The following ATP11A variants were observed in gnomAD, a reference collection of about 807,000 sequenced individuals.
ATP11A encodes the protein ATPase phospholipid transporting 11A.
In ATP11A, 81 loss-of-function variants were observed where a neutral mutation model predicts 154.4. That is an observed-to-expected ratio of 0.52 (90% confidence interval 0.44 to 0.63). The LOEUF (loss-of-function observed/expected upper bound fraction) is 0.63, where lower values mean the gene tolerates loss of function less well. Ranked by LOEUF, ATP11A falls within the 30% of genes least tolerant of loss-of-function variation. The pLI is 0.00. For missense variants in ATP11A, 1,316 were observed against 1,474.3 expected (o/e 0.89, Z 1.76); for synonymous variants, 623 against 585.9 (o/e 1.06, Z -0.91).
At chr13:112,850,759 T>A (rs1238910346) in intron 17 of ATP11A, among the ~76,000 whole-genome samples, 2 of 152,242 alleles carry the variant, frequency 1.3e-5, no homozygotes, top group East Asian at 3.8e-4. Flanking sequence ...TGTTACTTAT[T>A]TCCAGGCTTT....
intron 5 of ATP11A, among the ~76,000 whole-genome samples, chr13:112,811,300 T>C (rs185808004): frequency 0.016 from 2,476 of 150,302 alleles, 31 homozygotes; most frequent in Non-Finnish European, 0.027. Flanking sequence ...TCTGCCGGCA[T>C]CCCATGCCAG....
At chr13:112,847,032 C>T (rs1366395308) in intron 17 of ATP11A, among the ~76,000 whole-genome samples, 1 of 152,200 alleles carries the variant, frequency 6.6e-6, no homozygotes, top group Non-Finnish European at 1.5e-5. Context: ...GCATCCACTC[C>T]ATCCTAGGAA....
Position 112,715,541 on chromosome 13 carries a change from GC to G in ATP11A, c.39+25095del, listed in dbSNP as rs1269958567. Among the ~76,000 whole-genome samples the G allele has an allele frequency of 3.2e-3, 118 of 36,354 alleles. 6 individuals are homozygous for G. Among genetic ancestry groups the G allele is most frequent in the African/African-American group, 7.0e-3 (114 of 16,336 alleles). The allele number at this position is 36,354 out of a possible 152,430, so 23.8% of individuals were successfully genotyped here. ...GATCCCCACCCTTCACTTGGCTGAG[GC>G]CCCCCCCCACCTGCCTGATCCTCCC... is the stretch of plus-strand genomic sequence containing the variant. On this transcript the variant is annotated intron_variant, in intron 1 of 29. Transcript: ENST00000375645.
chr13:112,787,969 C>A (rs1367861569), intron 2 of ATP11A, among the ~76,000 whole-genome samples: 1 of 151,172 alleles, frequency 6.6e-6, no homozygotes, highest in African/African-American at 2.4e-5. Flanking sequence ...CCTGTGGAGA[C>A]CTACTTAATT....
At position 112,875,805 on chromosome 13, in the gene ATP11A, A is replaced by G; in HGVS notation, c.3191A>G (p.Tyr1064Cys). 2 of 1,613,928 alleles carry G rather than the reference A, an allele frequency of 1.2e-6. No homozygotes were observed. The highest frequency in any genetic ancestry group is 1.7e-6 in the Non-Finnish European group (2 of 1,180,008). ...WPFLNYQRMY[Y>C]VFIQMLSSGP... ...TTCCTCAACTACCAGAGGATGTACT[A>G]CGTGTTCATCCAGATGCTGTCCAGC... is the stretch of plus-strand genomic sequence containing the variant. Residue 1064 changes from tyrosine to cysteine, a missense_variant, in exon 28 of 30, where the codon TAC (tyrosine) becomes TGC (cysteine). Around this residue, in one of 5 missense-constraint regions of ATP11A, gnomAD observed 294 missense variants for 290.2 expected, o/e 1.01. Coordinates refer to ENST00000375645, the MANE Select transcript of ATP11A (RefSeq NM_015205.3). The surrounding 1 kb of genome is among the most constrained non-coding windows in gnomAD (Gnocchi z 4.1).
intron 1 of ATP11A, among the ~76,000 whole-genome samples, chr13:112,736,228 G>C (rs1328698143): frequency 6.6e-6 from 1 of 152,132 alleles, no homozygotes; most frequent in African/African-American, 2.4e-5. Context: ...ACTTTGGCAC[G>C]TTATCTATTT....
Position 112,878,397 on chromosome 13 carries a change from C to T in ATP11A, c.*9+94C>T, listed in dbSNP as rs866093149. On this transcript the variant is annotated intron_variant, in intron 29 of 29. Transcript: ENST00000375645. Reference sequence around the variant, plus strand: ...AGAGCCCTGAGTCCACGTGCTCTGACGCAGCGTCCACCAGGCGCTGGGTAC... The same window carrying T: ...AGAGCCCTGAGTCCACGTGCTCTGATGCAGCGTCCACCAGGCGCTGGGTAC... 3.5e-5 allele frequency: 48 copies of T among 1,378,320 alleles called. No homozygotes were observed. In the Middle Eastern group the frequency reaches 1.6e-3, roughly 47 times the overall value. 85.4% of individuals were successfully genotyped at this position (1,378,320 alleles called of 1,614,324 possible).
chr13:112,761,616 A>C, intron 1 of ATP11A, among the ~76,000 whole-genome samples: 1 of 82,106 alleles, frequency 1.2e-5, no homozygotes, highest in Non-Finnish European at 2.9e-5. Context: ...TTTGGGTACT[A>C]TCTCGGATTC....
At chr13:112,833,180 G>A (rs576197466) in intron 14 of ATP11A, among the ~76,000 whole-genome samples, 157 bp downstream of exon 14, 8 of 152,048 alleles carry the variant, frequency 5.3e-5, no homozygotes, top group African/African-American at 9.6e-5. Flanking sequence ...CTGGACCCCC[G>A]TCCCTGTATG....
At position 112,859,262 on chromosome 13, in the gene ATP11A, C is replaced by G; in HGVS notation, c.2668-131C>G. 1 of 768,610 alleles carries G rather than the reference C, an allele frequency of 1.3e-6. No individual in the cohort carries two copies. Among genetic ancestry groups the G allele is most frequent in the Non-Finnish European group, 2.4e-6 (1 of 422,858 alleles). 47.6% of individuals were successfully genotyped at this position (768,610 alleles called of 1,614,324 possible). On this transcript the variant is annotated intron_variant, in intron 22 of 29. Coordinates refer to ENST00000375645, the MANE Select transcript of ATP11A (RefSeq NM_015205.3). The surrounding 1 kb of genome is among the most constrained non-coding windows in gnomAD (Gnocchi z 4.3). ...AAATAAGAGAAAGCTTTCTAGAACCCATTAGTGCTGTTCTGCCGCACGCTG... is the reference window on the plus strand; with the variant it reads ...AAATAAGAGAAAGCTTTCTAGAACCGATTAGTGCTGTTCTGCCGCACGCTG...
At chr13:112,713,153 T>G (rs1162467034) in intron 1 of ATP11A, among the ~76,000 whole-genome samples, 1 of 152,146 alleles carries the variant, frequency 6.6e-6, no homozygotes, top group Non-Finnish European at 1.5e-5. Context: ...TCCCAGCACT[T>G]TGGGAGGCTG....
chr13:112,864,489 C>G (rs1394516951), intron 25 of ATP11A, among the ~76,000 whole-genome samples: 5 of 80,432 alleles, frequency 6.2e-5, no homozygotes, highest in South Asian at 4.6e-4. Flanking sequence ...TCACCACATG[C>G]ACAGTAATTC....
At chr13:112,737,521 CAGA>C (rs1272079261) in intron 1 of ATP11A, among the ~76,000 whole-genome samples, 1 of 152,132 alleles carries the variant, frequency 6.6e-6, no homozygotes. Flanking sequence ...TCATAAAGAC[CAGA>C]AGGAGAGGAG....
chr13:112,860,412 C>T lies in ATP11A; in HGVS notation c.2853C>T (p.Tyr951=). 3 of 1,614,126 alleles carry T rather than the reference C, an allele frequency of 1.9e-6. No individual in the cohort carries two copies. The highest frequency in any genetic ancestry group is 2.5e-6 in the Non-Finnish European group (3 of 1,179,998). The part of the protein sequence containing the change: ...IDVLKRDPTL[Y]RDVAKNALLR... The stretch of plus-strand genomic sequence containing the variant: ...TGCTCAAGAGAGACCCGACCCTGTA[C>T]AGGTACCATCCTCCAAACAGCCTCT... Residue 951 remains tyrosine (Y), a splice_region_variant and synonymous_variant, in exon 24 of 30, where the codon TAC becomes TAT. Coordinates refer to ENST00000375645, the MANE Select transcript of ATP11A (RefSeq NM_015205.3).
At chr13:112,695,444 T>A (rs1374992345) in intron 1 of ATP11A, among the ~76,000 whole-genome samples, 1 of 152,252 alleles carries the variant, frequency 6.6e-6, no homozygotes, top group African/African-American at 2.4e-5. Flanking sequence ...ATGCATAATT[T>A]CACCTTTGTG....
intron 25 of ATP11A, among the ~76,000 whole-genome samples, chr13:112,865,810 C>T (rs572644120): frequency 1.1e-4 from 16 of 152,336 alleles, no homozygotes; most frequent in Middle Eastern, 6.8e-3. Flanking sequence ...CTTGGCCTCC[C>T]GAAGTGCTGG....
intron 14 of ATP11A, among the ~76,000 whole-genome samples, chr13:112,833,477 C>T (rs1220980742): frequency 2.0e-5 from 3 of 152,198 alleles, no homozygotes; most frequent in Non-Finnish European, 2.9e-5. Context: ...TAAGCAAACG[C>T]TTGGAAAAAT....
At position 112,701,941 on chromosome 13, in the gene ATP11A, G is replaced by T. The variant is rs1025054554; in HGVS notation, c.39+11486G>T. Among the ~76,000 whole-genome samples the T allele has an allele frequency of 2.6e-5, 4 of 152,288 alleles. No homozygotes were observed. In the East Asian group the frequency reaches 7.7e-4, roughly 29 times the overall value. ...TGTGTCTCGGCATCCTGTGGATGGG[G>T]CCTGCGGTTATCCAGCTGGTGGTTC... On this transcript the variant is annotated intron_variant, in intron 1 of 29. Transcript: ENST00000375645.
intron 17 of ATP11A, among the ~76,000 whole-genome samples, chr13:112,843,368 G>A (rs577585569): frequency 6.6e-6 from 1 of 152,322 alleles, no homozygotes; most frequent in East Asian, 1.9e-4. Context: ...TCCCCACGTG[G>A]CTGCTTTGTC....
Sources: allele counts gnomAD v4.1 joint callset (sites outside exome capture counted in the v4.1 genomes callset), GRCh38; gene constraint gnomAD v4.1.1; regional missense constraint gnomAD v4.1.1; non-coding constraint Gnocchi (gnomAD v3.1); transcripts MANE v1.5; gene names NCBI Gene and HGNC (gene_info 2026-07-23, HGNC 2026-07-21).